The following CMSS1 variants were observed in gnomAD, a reference collection of about 807,000 sequenced individuals.
CMSS1 encodes protein CMSS1.
A neutral mutation model predicts 43.5 loss-of-function variants in CMSS1; 33 were observed. The observed-to-expected ratio is 0.76, with a 90% CI of 0.57 to 1.01. The LOEUF is 1.01. Among genes scored for constraint, CMSS1 ranks in the 50% least tolerant of loss-of-function variants. CMSS1 has a pLI of 0.00. For synonymous variants in CMSS1, 115 were observed against 117.2 expected, an observed-to-expected ratio of 0.98 and a Z score of 0.12; for missense variants, 313 against 326.4, an observed-to-expected ratio of 0.96 and a Z score of 0.32.
intron 1 of CMSS1, among the ~76,000 whole-genome samples, chr3:99,982,802 T>G (rs561467630): frequency 6.6e-5 from 10 of 152,348 alleles, no homozygotes; most frequent in East Asian, 5.8e-4. Flanking sequence ...ATAAAATTTG[T>G]GATGACAATT....
At chr3:100,019,566 C>A (rs2064768855) in intron 1 of CMSS1, among the ~76,000 whole-genome samples, 1 of 152,008 alleles carries the variant, frequency 6.6e-6, no homozygotes, top group African/African-American at 2.4e-5. Flanking sequence ...TAAAATTGTT[C>A]TATTTTAATG....
chr3:100,116,638 A>G (rs1336662025), intron 1 of CMSS1, among the ~76,000 whole-genome samples: 7 of 152,218 alleles, frequency 4.6e-5, no homozygotes, highest in Non-Finnish European at 1.0e-4. Context: ...GCGCGCCTAT[A>G]TCTGTTGCTC....
At chr3:100,073,637 C>A (rs2065798322) in intron 1 of CMSS1, among the ~76,000 whole-genome samples, 1 of 152,072 alleles carries the variant, frequency 6.6e-6, no homozygotes, top group African/African-American at 2.4e-5. Flanking sequence ...TCAAAGAAGG[C>A]CAGGAAGTTT....
At chr3:99,901,386 A>T (rs541545752) in intron 1 of CMSS1, among the ~76,000 whole-genome samples, 1 of 152,344 alleles carries the variant, frequency 6.6e-6, no homozygotes, top group South Asian at 2.1e-4. Context: ...AAATGTAGTG[A>T]CAAGCGATGA....
In CMSS1 at chr3:100,117,825, GTA is replaced by G. The variant is rs1166983737; in HGVS notation, c.65-29121_65-29120del. 7.9e-3 allele frequency among the ~76,000 whole-genome samples: 591 copies of G among 75,026 alleles called. 7 individuals carry two copies. The highest frequency in any genetic ancestry group is 0.028 in the African/African-American group (450 of 16,172). 49.2% of individuals were successfully genotyped at this position (75,026 alleles called of 152,430 possible). ...TCCATCAATGGATAGATAAACTGCA[GTA>G]TATATATATATATATATATATATAT... On this transcript the variant is annotated intron_variant, in intron 1 of 9. Coordinates refer to ENST00000421999, the MANE Select transcript of CMSS1 (RefSeq NM_032359.4).
chr3:100,099,834 A>G (rs746262377), intron 1 of CMSS1, among the ~76,000 whole-genome samples: 7 of 152,238 alleles, frequency 4.6e-5, no homozygotes, highest in Non-Finnish European at 1.0e-4. Flanking sequence ...GTAAAGTATC[A>G]TAAGTATGCA....
At chr3:99,851,980 G>A (rs1051455038) in intron 1 of CMSS1, among the ~76,000 whole-genome samples, 1 of 152,206 alleles carries the variant, frequency 6.6e-6, no homozygotes, top group African/African-American at 2.4e-5. Context: ...AGACATGACA[G>A]AAGAGAAACT....
intron 1 of CMSS1, among the ~76,000 whole-genome samples, chr3:99,952,081 A>G (rs1708192369): frequency 6.6e-6 from 1 of 152,128 alleles, no homozygotes; most frequent in Non-Finnish European, 1.5e-5. Flanking sequence ...CCAACTCTGA[A>G]GCTGTTAAAG....
intron 1 of CMSS1, among the ~76,000 whole-genome samples, chr3:99,926,254 T>C (rs1242530370): frequency 2.0e-5 from 3 of 152,254 alleles, no homozygotes; most frequent in Non-Finnish European, 4.4e-5. Context: ...GTAAATTCTC[T>C]CTGACTTCTA....
intron 1 of CMSS1, among the ~76,000 whole-genome samples, chr3:100,125,658 A>G (rs2066656761): frequency 6.6e-6 from 1 of 152,110 alleles, no homozygotes; most frequent in Non-Finnish European, 1.5e-5. Context: ...GCTAGATTGC[A>G]TTTTCTATTT....
At position 100,172,740 on chromosome 3, in the gene CMSS1, A is replaced by G. The variant is rs1327332735; in HGVS notation, c.667+337A>G. On this transcript the variant is annotated intron_variant, in intron 8 of 9. Coordinates refer to ENST00000421999, the MANE Select transcript of CMSS1 (RefSeq NM_032359.4). ...CCTGTCACTCCACTGAGTCTTGGGG[A>G]GACTCCCATTTTGAGGGCTGGTATA... Among the ~76,000 whole-genome samples the G allele has an allele frequency of 3.9e-5, 6 of 152,172 alleles. No individual in the cohort carries two copies. The East Asian group carries it at 1.2e-3, about 29-fold the overall frequency.
intron 1 of CMSS1, among the ~76,000 whole-genome samples, chr3:99,949,239 G>A (rs992358372): frequency 3.3e-5 from 5 of 152,110 alleles, no homozygotes; most frequent in Non-Finnish European, 7.4e-5. Context: ...GCTGAGGCTA[G>A]GCCTACAAAA....
intron 1 of CMSS1, among the ~76,000 whole-genome samples, chr3:99,953,631 T>A (rs557126362): frequency 6.6e-6 from 1 of 152,346 alleles, no homozygotes; most frequent in East Asian, 1.9e-4. Flanking sequence ...TGAGGGCTGT[T>A]CCTATTGTCT....
At chr3:99,875,086 C>G (rs928507213) in intron 1 of CMSS1, among the ~76,000 whole-genome samples, 2 of 152,112 alleles carry the variant, frequency 1.3e-5, no homozygotes, top group Non-Finnish European at 2.9e-5. Flanking sequence ...TATGTTTAGA[C>G]CAGATAAGGA....
intron 1 of CMSS1, among the ~76,000 whole-genome samples, chr3:99,881,803 G>C (rs1028742857): frequency 3.3e-5 from 5 of 152,132 alleles, no homozygotes; most frequent in Admixed American, 2.6e-4. Context: ...AAAGTGCTGG[G>C]ATTATAGGCG....
At chr3:99,879,782 T>C (rs991003996) in intron 1 of CMSS1, among the ~76,000 whole-genome samples, 17 of 152,166 alleles carry the variant, frequency 1.1e-4, no homozygotes, top group Non-Finnish European at 1.2e-4. Context: ...GGAAACACTG[T>C]CATGTACAAA....
intron 1 of CMSS1, among the ~76,000 whole-genome samples, chr3:100,113,422 G>A (rs771217481): frequency 6.6e-6 from 1 of 152,168 alleles, no homozygotes; most frequent in Non-Finnish European, 1.5e-5. Flanking sequence ...TTCTTGATAG[G>A]TATCTCCCAA....
At chr3:99,893,842 C>A (rs1026689656) in intron 1 of CMSS1, among the ~76,000 whole-genome samples, 1 of 152,162 alleles carries the variant, frequency 6.6e-6, no homozygotes, top group Non-Finnish European at 1.5e-5. Context: ...GGTTTTACTT[C>A]CCTCCACCCC....
At chr3:99,859,315 T>G (rs1422079299) in intron 1 of CMSS1, among the ~76,000 whole-genome samples, 1 of 152,264 alleles carries the variant, frequency 6.6e-6, no homozygotes, top group Non-Finnish European at 1.5e-5. Flanking sequence ...CACAGATCAG[T>G]CTGATCATAC....
Sources: allele counts gnomAD v4.1 joint callset (sites outside exome capture counted in the v4.1 genomes callset), GRCh38; gene constraint gnomAD v4.1.1; transcripts MANE v1.5; gene names NCBI Gene and HGNC (gene_info 2026-07-23, HGNC 2026-07-21).